The following GNAQ variants were observed in gnomAD, a reference collection of about 807,000 sequenced individuals.
GNAQ encodes the protein G protein subunit alpha q.
In GNAQ, 8 loss-of-function variants were observed where a neutral mutation model predicts 43.9. That is an observed-to-expected ratio of 0.18 (90% CI 0.11 to 0.33). The LOEUF (loss-of-function observed/expected upper bound fraction) is 0.33. Among genes scored for constraint, GNAQ ranks in the 10% least tolerant of loss-of-function variants. GNAQ has a pLI of 1.00. For synonymous variants in GNAQ, 155 were observed against 170.7 expected (o/e 0.91, Z 0.71); for missense variants, 158 against 450.8 (o/e 0.35, Z 5.88).
At chr9:77,855,759 C>A (rs1313673095) in intron 2 of GNAQ, among the ~76,000 whole-genome samples, 1 of 151,360 alleles carries the variant, frequency 6.6e-6, no homozygotes, top group Non-Finnish European at 1.5e-5. Flanking sequence ...ATAAAATGAA[C>A]TCTCAAAAAA....
At chr9:77,939,673 ACT>A (rs1829286932) in intron 1 of GNAQ, among the ~76,000 whole-genome samples, 1 of 152,080 alleles carries the variant, frequency 6.6e-6, no homozygotes, top group Non-Finnish European at 1.5e-5. Flanking sequence ...GGGTGAAAAA[ACT>A]CATTCTGGAA....
chr9:77,781,553 G>A (rs558381533), intron 5 of GNAQ, among the ~76,000 whole-genome samples: 2 of 152,060 alleles, frequency 1.3e-5, no homozygotes, highest in African/African-American at 4.8e-5. Context: ...ACCAGACAAA[G>A]TCATTCCGAG....
At chr9:78,031,049 G>C in intron 1 of GNAQ, 51 bp downstream of exon 1, 1 of 1,335,028 alleles carries the variant, frequency 7.5e-7, no homozygotes, top group Non-Finnish European at 9.8e-7. Flanking sequence ...CAGGGCCAAG[G>C]ATGGTGGGCT....
intron 3 of GNAQ, among the ~76,000 whole-genome samples, chr9:77,805,728 T>C (rs1826820135): frequency 6.6e-6 from 1 of 152,068 alleles, no homozygotes; most frequent in South Asian, 2.1e-4. Flanking sequence ...TAATACAAAG[T>C]GGCAGGTTCA....
At chr9:77,847,418 T>A (rs985233613) in intron 2 of GNAQ, among the ~76,000 whole-genome samples, 1 of 152,184 alleles carries the variant, frequency 6.6e-6, no homozygotes, top group Non-Finnish European at 1.5e-5. Context: ...GGGAATGGCC[T>A]GGAGGAGATG....
chr9:77,844,941 T>C (rs1455522139), intron 2 of GNAQ, among the ~76,000 whole-genome samples: 1 of 152,192 alleles, frequency 6.6e-6, no homozygotes, highest in Non-Finnish European at 1.5e-5. Flanking sequence ...TCCCAAGTAC[T>C]GGGAATCTGC....
chr9:77,774,336 C>A (rs998476456), intron 5 of GNAQ, among the ~76,000 whole-genome samples: 2 of 152,120 alleles, frequency 1.3e-5, no homozygotes, highest in African/African-American at 4.8e-5. Context: ...AATACTGCTA[C>A]GTTTGCTAAG....
intron 2 of GNAQ, among the ~76,000 whole-genome samples, chr9:77,857,917 T>C (rs534651292): frequency 1.3e-5 from 2 of 151,782 alleles, no homozygotes; most frequent in South Asian, 2.1e-4. Context: ...ATGTTTCACA[T>C]AGCATCAGGC....
chr9:77,937,631 G>A lies in GNAQ; in HGVS notation c.137-15286C>T, dbSNP rs144620617. On this transcript the variant is annotated intron_variant, in intron 1 of 6. Transcript: ENST00000286548. The stretch of plus-strand genomic sequence containing the variant: ...AGCTTGGCCGGGCACAGTGGCTCAC[G>A]CCTGTAATCCCAGCACTTTGGGAGG... 2.5e-3 allele frequency among the ~76,000 whole-genome samples: 373 copies of A among 151,820 alleles called. 2 individuals carry two copies. Among genetic ancestry groups the A allele is most frequent in the African/African-American group, 8.4e-3 (346 of 41,416 alleles).
At chr9:77,920,294 G>C (rs1486096661) in intron 2 of GNAQ, among the ~76,000 whole-genome samples, 1 of 152,062 alleles carries the variant, frequency 6.6e-6, no homozygotes, top group Non-Finnish European at 1.5e-5. Context: ...CTTAAAACAG[G>C]GCAAGGTCCT....
chr9:77,847,579 T>C (rs2117910186), intron 2 of GNAQ, among the ~76,000 whole-genome samples: 1 of 152,372 alleles, frequency 6.6e-6, no homozygotes, highest in South Asian at 2.1e-4. Context: ...AAGAATACTG[T>C]TAAGGTGGGG....
intron 2 of GNAQ, among the ~76,000 whole-genome samples, chr9:77,913,308 T>A (rs1379657165): frequency 1.4e-5 from 2 of 142,496 alleles, no homozygotes; most frequent in Non-Finnish European, 3.1e-5. Context: ...ATATATATAA[T>A]TATAACAAAT....
chr9:77,883,786 C>T (rs563066305), intron 2 of GNAQ, among the ~76,000 whole-genome samples: 32 of 152,222 alleles, frequency 2.1e-4, no homozygotes, highest in African/African-American at 6.0e-4. Context: ...CCCATGTGGT[C>T]ACACCCTATC....
At chr9:77,884,203 T>C (rs1564140590) in intron 2 of GNAQ, among the ~76,000 whole-genome samples, 1 of 152,168 alleles carries the variant, frequency 6.6e-6, no homozygotes, top group Non-Finnish European at 1.5e-5. Context: ...AAAAAGATTC[T>C]CTCTGAAGCT....
chr9:77,904,496 C>T (rs1828671574), intron 2 of GNAQ, among the ~76,000 whole-genome samples: 1 of 151,742 alleles, frequency 6.6e-6, no homozygotes, highest in Non-Finnish European at 1.5e-5. Context: ...CCACGCCTGG[C>T]TACTTTTTTA....
Position 77,949,391 on chromosome 9 carries a change from A to G in GNAQ, c.137-27046T>C, listed in dbSNP as rs867597042. On this transcript the variant is annotated intron_variant, in intron 1 of 6. Transcript: ENST00000286548. ...CAGCAGTATTCCACAATGGGAACCAAAGCAGAATTCAAATTCTGAATCTCT... is the reference window on the plus strand; with the variant it reads ...CAGCAGTATTCCACAATGGGAACCAGAGCAGAATTCAAATTCTGAATCTCT... Among the ~76,000 whole-genome samples the G allele has an allele frequency of 2.6e-5, 4 of 152,344 alleles. No individual in the cohort carries two copies. In the South Asian group the frequency reaches 8.3e-4, roughly 32 times the overall value.
Position 77,831,098 on chromosome 9 carries a change from C to T in GNAQ, c.322-15328G>A, listed in dbSNP as rs566466957. ...GATGTAAGCACAGCTAGTAACATTC[C>T]TTCCATTTATAACTACATATCTTAT... On this transcript the variant is annotated intron_variant, in intron 2 of 6. Coordinates refer to ENST00000286548, the MANE Select transcript of GNAQ (RefSeq NM_002072.5). Among the ~76,000 whole-genome samples the T allele has an allele frequency of 3.6e-4, 55 of 152,276 alleles. No individual in the cohort carries two copies. In the South Asian group the frequency reaches 3.9e-3, roughly 11 times the overall value.
chr9:77,778,771 A>T (rs1007821543), intron 5 of GNAQ, among the ~76,000 whole-genome samples: 1 of 152,022 alleles, frequency 6.6e-6, no homozygotes, highest in Non-Finnish European at 1.5e-5. Context: ...AAAGACAAGT[A>T]GCTATACCCA....
At chr9:77,728,882 G>A (rs989668397) in intron 5 of GNAQ, among the ~76,000 whole-genome samples, 3 of 152,090 alleles carry the variant, frequency 2.0e-5, no homozygotes, top group Non-Finnish European at 4.4e-5. Context: ...GCAGAAGAGA[G>A]TAATAATAAT....
Sources: gnomAD v4.1 joint callset for allele counts (sites outside exome capture counted in the v4.1 genomes callset) on GRCh38, gnomAD v4.1.1 for gene constraint, MANE v1.5 for transcripts, NCBI Gene and HGNC (gene_info 2026-07-23, HGNC 2026-07-21) for gene names.